Variants in EXOC4 observed in about 807,000 individuals in gnomAD.
The protein encoded by EXOC4 is exocyst complex component 4, also known as SEC8-like 1.
A neutral mutation model predicts 107.2 loss-of-function variants in EXOC4; 71 were observed. The ratio of observed to expected loss-of-function variants is 0.66; its 90% CI spans 0.55 to 0.81. EXOC4 has a LOEUF of 0.81. EXOC4 is among the 30% of genes least tolerant of loss of function. EXOC4 has a pLI of 0.00. For missense variants in EXOC4, 1,108 were observed against 1,189.6 expected (o/e 0.93, Z 1.01); for synonymous variants, 456 against 441.2 (o/e 1.03, Z -0.42).
chr7:133,436,975 A>G (rs1490933003), intron 7 of EXOC4, among the ~76,000 whole-genome samples: 1 of 152,126 alleles, frequency 6.6e-6, no homozygotes, highest in Non-Finnish European at 1.5e-5. Context: ...AAAAAAATAC[A>G]TCTGAGTGAC....
chr7:134,084,587 G>T, the EXOC4 span, among the ~76,000 whole-genome samples: 11 of 145,534 alleles, frequency 7.6e-5, no homozygotes, highest in Admixed American at 7.0e-4. Flanking sequence ...GCCTCAGAAG[G>T]TTTCTCTGAA....
chr7:133,597,665 A>G (rs1183264965), intron 9 of EXOC4, among the ~76,000 whole-genome samples: 2 of 151,850 alleles, frequency 1.3e-5, no homozygotes, highest in Non-Finnish European at 2.9e-5. Context: ...TGGCCGTTGC[A>G]GCTACTGAAT....
At chr7:133,926,573 A>G (rs368958907) in intron 13 of EXOC4, among the ~76,000 whole-genome samples, 1 of 152,196 alleles carries the variant, frequency 6.6e-6, no homozygotes, top group Non-Finnish European at 1.5e-5. Context: ...AAAATAATCT[A>G]TTGAATATAG....
intron 9 of EXOC4, among the ~76,000 whole-genome samples, chr7:133,547,647 C>G (rs1800507662): frequency 6.6e-6 from 1 of 152,178 alleles, no homozygotes; most frequent in South Asian, 2.1e-4. Flanking sequence ...TCAACAGTGT[C>G]CACAGCATCT....
Position 133,739,221 on chromosome 7 carries a change from T to TG in EXOC4, c.1515-78104_1515-78103insG, listed in dbSNP as rs1562977534. ...CCTTACAGAAGCACATGTAGAGGGG[T>TG]TTGTGTGTGTGTGTGTGTGTGTGTG... On this transcript the variant is annotated intron_variant, in intron 10 of 17. Transcript: ENST00000253861. Among the ~76,000 whole-genome samples, 982 of 132,624 alleles carry TG rather than the reference T, an allele frequency of 7.4e-3. 8 individuals carry two copies. The highest frequency in any genetic ancestry group is 0.023 in the South Asian group (86 of 3,770). 87.0% of individuals were successfully genotyped at this position (132,624 alleles called of 152,430 possible).
intron 10 of EXOC4, among the ~76,000 whole-genome samples, chr7:133,660,705 T>C (rs895283329): frequency 2.6e-5 from 4 of 152,330 alleles, no homozygotes; most frequent in East Asian, 1.9e-4. Context: ...TTGCCTCCTA[T>C]TACTTGTTAG....
chr7:134,029,045 G>A (rs2116464894), intron 17 of EXOC4, among the ~76,000 whole-genome samples: 1 of 152,322 alleles, frequency 6.6e-6, no homozygotes, highest in African/African-American at 2.4e-5. Context: ...CACCCAGGTG[G>A]TTTTCTCTTA....
chr7:133,769,871 A>T (rs1000585033), intron 10 of EXOC4, among the ~76,000 whole-genome samples: 13 of 151,840 alleles, frequency 8.6e-5, no homozygotes, highest in Non-Finnish European at 1.6e-4. Flanking sequence ...TCTATTTCCC[A>T]TCCTTTTTCC....
At chr7:133,455,440 T>A (rs891954759) in intron 7 of EXOC4, among the ~76,000 whole-genome samples, 5 of 152,216 alleles carry the variant, frequency 3.3e-5, no homozygotes, top group Non-Finnish European at 7.3e-5. Flanking sequence ...TATTATTTTC[T>A]TATCAAATTT....
At chr7:133,264,711 CTTCTT>C (rs768216333) in intron 1 of EXOC4, among the ~76,000 whole-genome samples, 89 of 152,152 alleles carry the variant, frequency 5.8e-4, no homozygotes, top group African/African-American at 1.7e-3. Context: ...ATGAGGGTCT[CTTCTT>C]TTCATAATTC....
At chr7:133,634,092 T>C (rs774886826) in intron 10 of EXOC4, among the ~76,000 whole-genome samples, 36 of 152,234 alleles carry the variant, frequency 2.4e-4, no homozygotes, top group Admixed American at 1.3e-4. Flanking sequence ...TTTCCCGTTA[T>C]GCTGGTTTAT....
At chr7:133,864,191 G>T (rs1048911978) in intron 11 of EXOC4, among the ~76,000 whole-genome samples, 11 of 152,152 alleles carry the variant, frequency 7.2e-5, no homozygotes, top group African/African-American at 2.7e-4. Flanking sequence ...CCACTTGTTT[G>T]TATGTGGAAA....
chr7:133,442,958 G>T (rs757340174), intron 7 of EXOC4, among the ~76,000 whole-genome samples: 1 of 152,174 alleles, frequency 6.6e-6, no homozygotes, highest in Non-Finnish European at 1.5e-5. Context: ...TGAAAGATGA[G>T]GGTGAACACC....
At chr7:133,990,191 A>G in intron 14 of EXOC4, among the ~76,000 whole-genome samples, 1 of 152,000 alleles carries the variant, frequency 6.6e-6, no homozygotes, top group East Asian at 1.9e-4. Context: ...GTTAAGTATA[A>G]TTACCGTGTG....
chr7:133,966,554 G>A (rs745413565), intron 14 of EXOC4, among the ~76,000 whole-genome samples: 37 of 152,200 alleles, frequency 2.4e-4, no homozygotes, highest in Non-Finnish European at 4.6e-4. Flanking sequence ...GAATTTTATC[G>A]AAGGCTTTCC....
At chr7:133,840,029 A>G (rs536987288) in intron 11 of EXOC4, among the ~76,000 whole-genome samples, 129 of 152,348 alleles carry the variant, frequency 8.5e-4, no homozygotes, top group African/African-American at 3.1e-3. Context: ...GACAGTGGTC[A>G]GTTCTACCTT....
At chr7:133,304,013 A>C (rs899707425) in intron 3 of EXOC4, among the ~76,000 whole-genome samples, 7 of 152,194 alleles carry the variant, frequency 4.6e-5, no homozygotes, top group Non-Finnish European at 7.3e-5. Flanking sequence ...ACTTGTCATA[A>C]AATTCTGTAT....
At chr7:133,375,452 AAC>A (rs2150690565) in intron 7 of EXOC4, among the ~76,000 whole-genome samples, 1 of 152,200 alleles carries the variant, frequency 6.6e-6, no homozygotes, top group South Asian at 2.1e-4. Flanking sequence ...CAGCCTGGGT[AAC>A]AGAGTGAGAC....
Position 133,958,670 on chromosome 7 carries a change from A to G in EXOC4, c.2206+20601A>G, listed in dbSNP as rs187471092. ...GCATAGCTACTGACATTGAAAGAGG[A>G]AATGAAGATAAGGCTAAAAACAGGA... On this transcript the variant is annotated intron_variant, in intron 14 of 17. Transcript: ENST00000253861. Among the ~76,000 whole-genome samples the G allele has an allele frequency of 7.2e-5, 11 of 152,354 alleles. No homozygotes were observed. The East Asian group carries it at 1.9e-3, about 27-fold the overall frequency.
Sources: gnomAD v4.1 joint callset for allele counts (sites outside exome capture counted in the v4.1 genomes callset) on GRCh38, gnomAD v4.1.1 for gene constraint, MANE v1.5 for transcripts, NCBI Gene and HGNC (gene_info 2026-07-23, HGNC 2026-07-21) for gene names.